SLFN12L: variants seen among roughly 807,000 people sequenced by gnomAD.
SLFN12L encodes schlafen family member 12-like.
A neutral mutation model predicts 34.8 loss-of-function variants in SLFN12L; 34 were observed. The observed-to-expected ratio is 0.98, with a 90% CI of 0.74 to 1.30. The LOEUF is 1.30. SLFN12L is among the 50% of genes most tolerant of loss of function. The pLI is 0.00. For missense variants in SLFN12L, 703 were observed against 696.2 expected, an observed-to-expected ratio of 1.01 and a Z score of -0.11; for synonymous variants, 259 against 247.5, an observed-to-expected ratio of 1.05 and a Z score of -0.44.
chr17:35,533,054 C>T (rs1056558772), intron 1 of SLFN12L, among the ~76,000 whole-genome samples: 1 of 152,142 alleles, frequency 6.6e-6, no homozygotes, highest in South Asian at 2.1e-4. Flanking sequence ...AGCCTTATCT[C>T]TTATCATCTT....
intron 2 of SLFN12L, among the ~76,000 whole-genome samples, chr17:35,502,416 GAAAAAAA>G (rs1161388791): frequency 1.2e-3 from 31 of 25,262 alleles, no homozygotes; most frequent in Admixed American, 5.9e-3. Flanking sequence ...GTATCCTAAG[GAAAAAAA>G]AAAAAAAAAA....
intron 1 of SLFN12L, among the ~76,000 whole-genome samples, chr17:35,531,136 A>C (rs1446824572): frequency 1.3e-5 from 2 of 152,246 alleles, no homozygotes; most frequent in African/African-American, 4.8e-5. Context: ...GGCAGGAGGA[A>C]ATTGAAAAAT....
At chr17:35,515,695 G>A (rs1171739544) in intron 2 of SLFN12L, among the ~76,000 whole-genome samples, 1 of 141,292 alleles carries the variant, frequency 7.1e-6, no homozygotes, top group Admixed American at 7.3e-5. Context: ...CCAGGCTGGA[G>A]TGAAGTGGCA....
At chr17:35,494,388 G>A (rs1914962676) in intron 2 of SLFN12L, among the ~76,000 whole-genome samples, 1 of 152,056 alleles carries the variant, frequency 6.6e-6, no homozygotes, top group Non-Finnish European at 1.5e-5. Flanking sequence ...AAGAAAAAAA[G>A]AAATATCCTT....
rs897555064 is a variant in SLFN12L at position 35,468,810 on chromosome 17, A to C, written c.*6113T>G. 2.0e-5 allele frequency among the ~76,000 whole-genome samples: 3 copies of C among 152,138 alleles called. No individual in the cohort carries two copies. Among genetic ancestry groups the C allele is most frequent in the East Asian group, 3.9e-4 (2 of 5,188 alleles). On this transcript the variant is annotated 3_prime_UTR_variant, in exon 5 of 5. Transcript: ENST00000628453. The stretch of plus-strand genomic sequence containing the variant: ...TGAGGCAGGACTGCTTAATCCCAGG[A>C]GTTCAAACCAGCCTGGGCAACATGG...
At position 35,475,598 on chromosome 17, in the gene SLFN12L, C is replaced by T. The variant is rs1913965639; in HGVS notation, c.1277-113G>A. On this transcript the variant is annotated intron_variant, in intron 4 of 4. Transcript: ENST00000628453. Reference sequence around the variant, plus strand: ...CTCCCACCAAAAGCAACTATAAAAGCTATGTAAAAGTGTATCAGGGCCAGG... The same window carrying T: ...CTCCCACCAAAAGCAACTATAAAAGTTATGTAAAAGTGTATCAGGGCCAGG... The T allele has an allele frequency of 2.8e-6, 4 of 1,432,884 alleles. No homozygotes were observed. In the East Asian group the frequency reaches 9.9e-5, roughly 36 times the overall value. 88.8% of individuals were successfully genotyped at this position (1,432,884 alleles called of 1,614,324 possible). A position where few individuals can be genotyped will look rare whatever the true frequency, so the allele number is the denominator to read the frequency against.
chr17:35,537,007 C>T (rs1173276957), intron 1 of SLFN12L, among the ~76,000 whole-genome samples: 1 of 151,898 alleles, frequency 6.6e-6, no homozygotes, highest in African/African-American at 2.4e-5. Flanking sequence ...AAGACTTCCT[C>T]TCTACAGAAA....
chr17:35,502,819 G>C (rs757973545), intron 2 of SLFN12L, among the ~76,000 whole-genome samples: 6 of 152,064 alleles, frequency 3.9e-5, no homozygotes, highest in African/African-American at 1.4e-4. Flanking sequence ...GGAAAAGAAC[G>C]GTTATCTTCA....
chr17:35,489,006 G>A (rs1914725646), intron 2 of SLFN12L, among the ~76,000 whole-genome samples: 1 of 152,092 alleles, frequency 6.6e-6, no homozygotes, highest in Non-Finnish European at 1.5e-5. Context: ...GGAGGCGGAA[G>A]TTGCAGTGAG....
Position 35,480,004 on chromosome 17 carries a change from A to G in SLFN12L, c.278T>C (p.Leu93Pro). 6.2e-7 allele frequency: 1 copy of G among 1,614,204 alleles called. No individual in the cohort carries two copies. Among genetic ancestry groups the G allele is most frequent in the Non-Finnish European group, 8.5e-7 (1 of 1,180,028 alleles). The change falls in exon 3 of 5, where the codon CTG (leucine) becomes CCG (proline). Residue 93 changes from leucine (L) to proline (P), a missense_variant. Transcript: ENST00000628453. Reference sequence around the variant, plus strand: ...GATCACTCCCCCTCCAGAATTCAGCAGAGCACACACAGCTCGTGAGACATT... The same window carrying G: ...GATCACTCCCCCTCCAGAATTCAGCGGAGCACACACAGCTCGTGAGACATT... Reference protein sequence around the residue: ...NENVSRAVCALLNSGGGVIKA... With the variant: ...NENVSRAVCAPLNSGGGVIKA...
Position 35,464,412 on chromosome 17 carries a change from C to G in SLFN12L, c.*10511G>C, listed in dbSNP as rs1567633630. 1 of 151,580 alleles carries G rather than the reference C, an allele frequency of 6.6e-6. No individual in the cohort carries two copies. Among genetic ancestry groups the G allele is most frequent in the Non-Finnish European group, 1.5e-5 (1 of 67,958 alleles). The allele number at this position is 151,580 out of a possible 1,614,324, so 9.4% of individuals were successfully genotyped here. ...ATAGTTAACTTTTCTGCTCCTCTCC[C>G]TCCTCCCACCCTCCCCCCCTCAAAT... is the stretch of plus-strand genomic sequence containing the variant. On this transcript the variant is annotated 3_prime_UTR_variant, in exon 5 of 5. Coordinates refer to ENST00000628453, the MANE Select transcript of SLFN12L (RefSeq NM_001363830.2).
At chr17:35,534,776 C>T (rs1289370375) in intron 1 of SLFN12L, among the ~76,000 whole-genome samples, 2 of 152,156 alleles carry the variant, frequency 1.3e-5, no homozygotes, top group African/African-American at 4.8e-5. Context: ...ATAGCTTAGC[C>T]AAACATTGAA....
At chr17:35,476,334 C>T (rs1006038310) in intron 4 of SLFN12L, among the ~76,000 whole-genome samples, 1 of 151,970 alleles carries the variant, frequency 6.6e-6, no homozygotes, top group Non-Finnish European at 1.5e-5. Context: ...GGTGTGGTGG[C>T]TTATGCCTGT....
chr17:35,491,119 G>T, intron 2 of SLFN12L: 1 of 778,324 alleles, frequency 1.3e-6, no homozygotes, highest in East Asian at 2.4e-5. Context: ...ATGACCATTT[G>T]TGAACTTACT....
intron 2 of SLFN12L, among the ~76,000 whole-genome samples, chr17:35,508,333 T>G (rs990410284): frequency 6.6e-6 from 1 of 152,192 alleles, no homozygotes; most frequent in African/African-American, 2.4e-5. Flanking sequence ...ACTCGGTGTC[T>G]GAGTGGTTTT....
rs1319357466 is a variant in SLFN12L, at chr17:35,464,999, C to G, written c.*9924G>C. On this transcript the variant is annotated 3_prime_UTR_variant, in exon 5 of 5. Coordinates refer to ENST00000628453, the MANE Select transcript of SLFN12L (RefSeq NM_001363830.2). ...TCAAGTGATTCTCCTGCCTCAGCTT[C>G]CCAAGTAGCTGGGACTACGGGAGCA... 6.6e-6 allele frequency among the ~76,000 whole-genome samples: 1 copy of G among 152,202 alleles called. No homozygotes were observed. The highest frequency in any genetic ancestry group is 2.4e-5 in the African/African-American group (1 of 41,448).
chr17:35,507,727 C>A (rs1333688255), intron 2 of SLFN12L, among the ~76,000 whole-genome samples: 2 of 152,310 alleles, frequency 1.3e-5, no homozygotes, highest in African/African-American at 4.8e-5. Context: ...TTACTGCTCC[C>A]TTGTTTGCTA....
chr17:35,533,309 A>ATT (rs2072428853), intron 1 of SLFN12L, among the ~76,000 whole-genome samples: 1 of 152,230 alleles, frequency 6.6e-6, no homozygotes, highest in Non-Finnish European at 1.5e-5. Context: ...ACCATAAATA[A>ATT]TAGTCATAAA....
Position 35,479,764 on chromosome 17 carries a change from A to G in SLFN12L, c.518T>C (p.Val173Ala). Residue 173 changes from valine to alanine, a missense_variant, in exon 3 of 5, where the codon GTA (valine) becomes GCA (alanine). Transcript: ENST00000628453. ...AGCATTCATGACTTTTGCAGACGTT[A>G]CATCTCTCTTGTACAAACTGGAGCT... ...TLSSSLYKRD[V>A]TSAKVMNASA... The G allele has an allele frequency of 1.2e-6, 2 of 1,614,038 alleles. No homozygotes were observed. Among genetic ancestry groups the G allele is most frequent in the Non-Finnish European group, 1.7e-6 (2 of 1,179,936 alleles).
Sources: allele counts gnomAD v4.1 joint callset (sites outside exome capture counted in the v4.1 genomes callset), GRCh38; gene constraint gnomAD v4.1.1; transcripts MANE v1.5; gene names NCBI Gene and HGNC (gene_info 2026-07-23, HGNC 2026-07-21).